The following NRXN3 variants were observed in gnomAD, a reference collection of about 807,000 sequenced individuals.
The protein encoded by NRXN3 is neurexin 3, also known as neurexin III.
In NRXN3, 32 loss-of-function variants were observed where a neutral mutation model predicts 137.6. The ratio of observed to expected loss-of-function variants is 0.23; its 90% confidence interval spans 0.18 to 0.31. The LOEUF (loss-of-function observed/expected upper bound fraction) is 0.31, where lower values mean the gene tolerates loss of function less well. Ranked by LOEUF, NRXN3 falls within the 10% of genes least tolerant of loss-of-function variation. The pLI, the probability that NRXN3 is intolerant of heterozygous loss-of-function variation, is 1.00. For synonymous variants in NRXN3, 798 were observed against 784.5 expected (o/e 1.02, Z -0.29); for missense variants, 1,574 against 2,062.5 (o/e 0.76, Z 4.59).
intron 16 of NRXN3, among the ~76,000 whole-genome samples, chr14:79,469,971 A>G (rs1010870864): frequency 2.0e-5 from 3 of 152,216 alleles, no homozygotes; most frequent in African/African-American, 7.2e-5. Context: ...TTAAGTAGAT[A>G]CATCAGGGAA....
rs71979335 is a variant in NRXN3 at position 78,483,981 on chromosome 14, TAC to T, written c.758-161093_758-161092del. Among the ~76,000 whole-genome samples the T allele has an allele frequency of 3.0e-3, 369 of 123,718 alleles. 4 individuals are homozygous for T. Among genetic ancestry groups the T allele is most frequent in the African/African-American group, 8.3e-3 (282 of 33,960 alleles). 81.2% of individuals were successfully genotyped at this position (123,718 alleles called of 152,430 possible). Reference sequence around the variant, plus strand: ...TTCAGCATAAACCAAGGGATGCTCTTACACACACACACACACACACACACACA... The same window carrying T: ...TTCAGCATAAACCAAGGGATGCTCTTACACACACACACACACACACACACA... On this transcript the variant is annotated intron_variant, in intron 4 of 20. Transcript: ENST00000335750.
At chr14:79,337,945 C>G (rs1280669952) in intron 15 of NRXN3, among the ~76,000 whole-genome samples, 3 of 152,128 alleles carry the variant, frequency 2.0e-5, no homozygotes, top group African/African-American at 7.2e-5. Flanking sequence ...CTTCACCAAA[C>G]AGCCTGTGGC....
chr14:79,111,258 T>C (rs1056966408), intron 15 of NRXN3, among the ~76,000 whole-genome samples: 7 of 152,212 alleles, frequency 4.6e-5, no homozygotes, highest in African/African-American at 1.4e-4. Context: ...GAAGGCCAAA[T>C]AGCATTTGAC....
rs146472088 is a variant in NRXN3, at chr14:79,834,670, T to C, written c.4094-26672T>C. Among the ~76,000 whole-genome samples, 294 of 152,212 alleles carry C rather than the reference T, an allele frequency of 1.9e-3. 3 individuals carry two copies. The highest frequency in any genetic ancestry group is 6.2e-3 in the African/African-American group (256 of 41,560). On this transcript the variant is annotated intron_variant, in intron 20 of 20. Transcript: ENST00000335750. ...GGTACTCTAAGTTAACAGTAAATAA[T>C]TGAAAATAAGTAAGTCAAAACCAAA...
chr14:79,839,402 G>T (rs1410048572), intron 20 of NRXN3, among the ~76,000 whole-genome samples: 2 of 152,080 alleles, frequency 1.3e-5, no homozygotes, highest in African/African-American at 4.8e-5. Context: ...TAAAAAGTGT[G>T]TATAGAGTCA....
chr14:79,054,740 G>GC (rs2099653543), intron 15 of NRXN3, among the ~76,000 whole-genome samples: 1 of 152,076 alleles, frequency 6.6e-6, no homozygotes, highest in Non-Finnish European at 1.5e-5. Flanking sequence ...AGAATCCTAG[G>GC]CCAGTTGTTA....
At chr14:78,935,674 C>T (rs1334497264) in intron 10 of NRXN3, among the ~76,000 whole-genome samples, 1 of 152,134 alleles carries the variant, frequency 6.6e-6, no homozygotes, top group East Asian at 1.9e-4. Context: ...CAGATGTGGA[C>T]CCCTCAGATA....
chr14:79,463,341 A>G (rs138346471), intron 15 of NRXN3, among the ~76,000 whole-genome samples: 430 of 152,190 alleles, frequency 2.8e-3, no homozygotes, highest in African/African-American at 9.5e-3. Flanking sequence ...CTTCTGCTGG[A>G]TCACCATCCC....
At chr14:78,737,493 C>T (rs898255884) in intron 8 of NRXN3, among the ~76,000 whole-genome samples, 3 of 152,068 alleles carry the variant, frequency 2.0e-5, no homozygotes, top group African/African-American at 7.2e-5. Flanking sequence ...GATGGGTGCC[C>T]TCATTACTGA....
chr14:79,686,369 C>G (rs1188386996), intron 17 of NRXN3, among the ~76,000 whole-genome samples: 1 of 152,102 alleles, frequency 6.6e-6, no homozygotes, highest in East Asian at 1.9e-4. Flanking sequence ...GCTCTCAAGG[C>G]AAGGATTTAC....
chr14:78,268,651 G>A lies in NRXN3; in HGVS notation c.710-9994G>A, dbSNP rs79740486. On this transcript the variant is annotated intron_variant, in intron 2 of 20. Coordinates refer to ENST00000335750, the MANE Select transcript of NRXN3 (RefSeq NM_001330195.2). ...AAACGAGTTTGGAGTCAGAGAAATC[G>A]GAGTTCACATCCTGGCTATTATTTA... Among the ~76,000 whole-genome samples the A allele has an allele frequency of 1.0e-2, 1,520 of 152,244 alleles. 24 individuals carry two copies. The highest frequency in any genetic ancestry group is 0.031 in the African/African-American group (1,268 of 41,552).
intron 4 of NRXN3, among the ~76,000 whole-genome samples, chr14:78,302,118 C>G (rs921143459): frequency 2.6e-5 from 4 of 152,208 alleles, no homozygotes; most frequent in Non-Finnish European, 4.4e-5. Flanking sequence ...TTTTCTGATG[C>G]GTGTGGCACT....
intron 16 of NRXN3, among the ~76,000 whole-genome samples, chr14:79,592,376 G>C (rs571872110): frequency 9.9e-5 from 15 of 152,224 alleles, no homozygotes; most frequent in Middle Eastern, 3.4e-3. Context: ...GATAGTTTTT[G>C]TCTACTGTAA....
At chr14:78,717,372 C>T (rs1471314274) in intron 8 of NRXN3, among the ~76,000 whole-genome samples, 3 of 152,150 alleles carry the variant, frequency 2.0e-5, no homozygotes. Flanking sequence ...ATTCTTGGTG[C>T]AGTGCAGCCA....
chr14:79,649,050 C>T (rs1008093524), intron 16 of NRXN3, among the ~76,000 whole-genome samples: 5 of 152,120 alleles, frequency 3.3e-5, no homozygotes, highest in African/African-American at 4.8e-5. Context: ...AAGGCCTGGT[C>T]GATAAGTTTA....
In NRXN3 at chr14:79,104,035, C is replaced by T. The variant is rs117726258; in HGVS notation, c.3262+115894C>T. Among the ~76,000 whole-genome samples the T allele has an allele frequency of 5.5e-3, 838 of 152,318 alleles. 36 individuals are homozygous for T. In the East Asian group the frequency reaches 0.12, roughly 22 times the overall value. ...ATAAATACCCATGCCTGCACATGCA[C>T]AGATGTGCACATTTCATCCAGTAAT... On this transcript the variant is annotated intron_variant, in intron 15 of 20. Transcript: ENST00000335750.
At chr14:78,902,699 A>G (rs998009342) in intron 10 of NRXN3, among the ~76,000 whole-genome samples, 1 of 152,040 alleles carries the variant, frequency 6.6e-6, no homozygotes, top group African/African-American at 2.4e-5. Context: ...CTGATGTACA[A>G]GGCTCTTAAA....
At chr14:79,822,651 G>A (rs916877460) in intron 20 of NRXN3, among the ~76,000 whole-genome samples, 2 of 152,110 alleles carry the variant, frequency 1.3e-5, no homozygotes, top group African/African-American at 4.8e-5. Context: ...TACATGTAAA[G>A]TTTTATTGTG....
At chr14:79,825,083 A>G (rs569740859) in intron 20 of NRXN3, among the ~76,000 whole-genome samples, 1 of 152,178 alleles carries the variant, frequency 6.6e-6, no homozygotes, top group East Asian at 1.9e-4. Flanking sequence ...TTTGGAGTCA[A>G]CCTTATCCCT....
Sources: allele counts gnomAD v4.1 joint callset (sites outside exome capture counted in the v4.1 genomes callset), GRCh38; gene constraint gnomAD v4.1.1; transcripts MANE v1.5; gene names NCBI Gene and HGNC (gene_info 2026-07-23, HGNC 2026-07-21).